Variants in LRMDA observed in about 807,000 individuals in gnomAD.
The protein encoded by LRMDA is leucine-rich melanocyte differentiation-associated protein.
A neutral mutation model predicts 29.8 loss-of-function variants in LRMDA; 18 were observed. That is an observed-to-expected ratio of 0.60 (90% CI 0.42 to 0.90). LRMDA has a LOEUF of 0.90. LRMDA is among the 40% of genes least tolerant of loss of function. The pLI, the probability that LRMDA is intolerant of heterozygous loss-of-function variation, is 0.00. For synonymous variants in LRMDA, 125 were observed against 109.4 expected (o/e 1.14, Z -0.89); for missense variants, 273 against 273.9 (o/e 1.00, Z 0.02).
intron 2 of LRMDA, among the ~76,000 whole-genome samples, chr10:75,569,210 G>T (rs1423587239): frequency 1.3e-5 from 2 of 152,088 alleles, no homozygotes; most frequent in African/African-American, 4.8e-5. Flanking sequence ...GTTTCTGAAG[G>T]CTCTGAAAGC....
chr10:76,454,429 A>G (rs115264412), intron 6 of LRMDA, among the ~76,000 whole-genome samples: 2,741 of 152,250 alleles, frequency 0.018, 88 homozygotes, highest in African/African-American at 0.061. Flanking sequence ...CCGAGGCTGC[A>G]TTATTCTTTG....
intron 2 of LRMDA, among the ~76,000 whole-genome samples, chr10:76,003,361 C>T (rs1245610970): frequency 6.6e-6 from 1 of 152,168 alleles, no homozygotes; most frequent in Non-Finnish European, 1.5e-5. Context: ...GGAACGTCCC[C>T]TGGCCCACCC....
At chr10:75,523,737 G>A (rs543078861) in intron 2 of LRMDA, among the ~76,000 whole-genome samples, 2 of 152,278 alleles carry the variant, frequency 1.3e-5, no homozygotes, top group South Asian at 2.1e-4. Flanking sequence ...CCTGGGCATC[G>A]AAGTTCAGTT....
chr10:75,964,689 T>G (rs1846826487), intron 2 of LRMDA, among the ~76,000 whole-genome samples: 1 of 152,212 alleles, frequency 6.6e-6, no homozygotes. Flanking sequence ...AGAGGCTAGA[T>G]AGGATCTTGG....
chr10:75,688,145 A>G (rs1417637663), intron 2 of LRMDA, among the ~76,000 whole-genome samples: 1 of 152,204 alleles, frequency 6.6e-6, no homozygotes, highest in East Asian at 1.9e-4. Flanking sequence ...TTCAACTTTC[A>G]ACTTTCAAGT....
At chr10:75,800,687 A>G (rs1044131290) in intron 2 of LRMDA, among the ~76,000 whole-genome samples, 1 of 152,078 alleles carries the variant, frequency 6.6e-6, no homozygotes, top group Admixed American at 6.5e-5. Flanking sequence ...ATTTATTATA[A>G]CTTTTTTAAA....
intron 6 of LRMDA, among the ~76,000 whole-genome samples, chr10:76,477,192 C>A (rs931307011): frequency 6.6e-6 from 1 of 152,062 alleles, no homozygotes; most frequent in South Asian, 2.1e-4. Context: ...TGATAAGCAA[C>A]TTCAGCAAAG....
chr10:76,361,186 G>C (rs773913534), intron 6 of LRMDA, among the ~76,000 whole-genome samples: 8 of 152,088 alleles, frequency 5.3e-5, no homozygotes, highest in South Asian at 4.1e-4. Context: ...GCTTGAGCCT[G>C]GGAGGCGGTG....
At chr10:75,606,276 G>C (rs1233661961) in intron 2 of LRMDA, among the ~76,000 whole-genome samples, 1 of 152,222 alleles carries the variant, frequency 6.6e-6, no homozygotes, top group Non-Finnish European at 1.5e-5. Context: ...TCTGTGTTAA[G>C]TGTGCGAGAA....
At chr10:75,665,821 T>C (rs1181367618) in intron 2 of LRMDA, among the ~76,000 whole-genome samples, 3 of 152,224 alleles carry the variant, frequency 2.0e-5, no homozygotes, top group Non-Finnish European at 4.4e-5. Flanking sequence ...AAACTGATAA[T>C]AATGCAAAAA....
intron 5 of LRMDA, among the ~76,000 whole-genome samples, chr10:76,308,982 T>G (rs989301): frequency 0.92 from 139,427 of 151,876 alleles, 64,659 homozygotes; most frequent in Non-Finnish European, 0.96. Flanking sequence ...TTCAGGCCAG[T>G]CCCTAATCCT....
At chr10:75,961,259 G>A (rs1846761334) in intron 2 of LRMDA, among the ~76,000 whole-genome samples, 2 of 151,966 alleles carry the variant, frequency 1.3e-5, no homozygotes, top group African/African-American at 4.8e-5. Context: ...TTACATATAG[G>A]GTATTTTATA....
rs542279388 is a variant in LRMDA at position 76,065,153 on chromosome 10, A to T, written c.516+6370A>T. On this transcript the variant is annotated intron_variant, in intron 5 of 6. Transcript: ENST00000611255. Reference sequence around the variant, plus strand: ...ACTTCACAGTTTGCACGTTCATTTGAGGGAGAATCACTTAAAGATTTTGTA... The same window carrying T: ...ACTTCACAGTTTGCACGTTCATTTGTGGGAGAATCACTTAAAGATTTTGTA... 7.2e-5 allele frequency among the ~76,000 whole-genome samples: 11 copies of T among 152,264 alleles called. No individual in the cohort carries two copies. The East Asian group carries it at 1.9e-3, about 27-fold the overall frequency.
chr10:75,848,864 C>A (rs1031236146), intron 2 of LRMDA, among the ~76,000 whole-genome samples: 3 of 152,068 alleles, frequency 2.0e-5, no homozygotes, highest in Admixed American at 6.6e-5. Context: ...GCCCTTAGAC[C>A]CATTCTTGCC....
At chr10:76,548,343 T>TAGGC (rs1418367417) in intron 6 of LRMDA, among the ~76,000 whole-genome samples, 1 of 151,456 alleles carries the variant, frequency 6.6e-6, no homozygotes, top group East Asian at 1.9e-4. Context: ...TGAAGCATAC[T>TAGGC]AGGCAGTACA....
At chr10:75,574,076 C>T (rs1840471475) in intron 2 of LRMDA, among the ~76,000 whole-genome samples, 1 of 151,950 alleles carries the variant, frequency 6.6e-6, no homozygotes, top group African/African-American at 2.4e-5. Flanking sequence ...ATTGGGTAGC[C>T]CTTAGATATC....
chr10:75,967,374 A>G (rs773670070), intron 2 of LRMDA, among the ~76,000 whole-genome samples: 6 of 152,180 alleles, frequency 3.9e-5, no homozygotes, highest in Non-Finnish European at 5.9e-5. Flanking sequence ...TAACAATCTG[A>G]CTTTTTTTTG....
At chr10:75,541,619 G>A (rs1418038896) in intron 2 of LRMDA, among the ~76,000 whole-genome samples, 1 of 152,076 alleles carries the variant, frequency 6.6e-6, no homozygotes, top group Non-Finnish European at 1.5e-5. Flanking sequence ...TAAAGCATCA[G>A]GTATTGAGAA....
At chr10:75,687,813 C>T (rs1378294402) in intron 2 of LRMDA, among the ~76,000 whole-genome samples, 5 of 152,124 alleles carry the variant, frequency 3.3e-5, no homozygotes, top group Non-Finnish European at 7.4e-5. Context: ...CTGCAGCTGG[C>T]AACTTGAAGT....
Sources: gnomAD v4.1 joint callset for allele counts (sites outside exome capture counted in the v4.1 genomes callset) on GRCh38, gnomAD v4.1.1 for gene constraint, MANE v1.5 for transcripts, NCBI Gene and HGNC (gene_info 2026-07-23, HGNC 2026-07-21) for gene names.